TMEM242: variants seen among roughly 807,000 people sequenced by gnomAD.
The protein encoded by TMEM242 is transmembrane protein 242, also known as UPF0463 transmembrane protein C6orf35.
A neutral mutation model predicts 18.2 loss-of-function variants in TMEM242; 10 were observed. That is an observed-to-expected ratio of 0.55 (90% confidence interval 0.34 to 0.93). TMEM242 has a LOEUF of 0.93. Among genes scored for constraint, TMEM242 ranks in the 40% least tolerant of loss-of-function variants. The pLI, the probability that TMEM242 is intolerant of heterozygous loss-of-function variation, is 0.02. For missense variants in TMEM242, 186 were observed against 175.5 expected, an observed-to-expected ratio of 1.06 and a Z score of -0.34; for synonymous variants, 57 against 69.9, an observed-to-expected ratio of 0.81 and a Z score of 0.92.
chr6:157,293,540 A>G (rs889531208), intron 3 of TMEM242, among the ~76,000 whole-genome samples: 2 of 152,224 alleles, frequency 1.3e-5, no homozygotes, highest in Admixed American at 6.5e-5. Flanking sequence ...TAATTAGGTC[A>G]TTCAAAGCTA....
At chr6:157,301,788 C>T (rs587616741) in intron 3 of TMEM242, among the ~76,000 whole-genome samples, 8 of 152,020 alleles carry the variant, frequency 5.3e-5, no homozygotes, top group South Asian at 4.2e-4. Flanking sequence ...AAAAATTAGC[C>T]GGGTGTGGTG....
rs1778447802 is a variant in TMEM242, at chr6:157,318,788, A to G, written c.321T>C (p.Val107=). 5 of 1,614,066 alleles carry G rather than the reference A, an allele frequency of 3.1e-6. No individual in the cohort carries two copies. Among genetic ancestry groups the G allele is most frequent in the Non-Finnish European group, 4.2e-6 (5 of 1,180,008 alleles). The change falls in exon 3 of 4, where the codon GTT becomes GTC. Residue 107 remains valine (V), a synonymous_variant. Transcript: ENST00000400788. ...ISFAVWKALG[V]HSMNDFRSKM... is the part of the protein sequence containing the mutation. ...CAAGACAGTAGTTACTTACACTGTG[A>G]ACTCCTAAAGCTTTCCAGACTGCGA... is the stretch of plus-strand genomic sequence containing the variant.
At chr6:157,321,013 T>C (rs1239484239) in intron 2 of TMEM242, among the ~76,000 whole-genome samples, 27 of 139,724 alleles carry the variant, frequency 1.9e-4, no homozygotes, top group African/African-American at 7.2e-4. Flanking sequence ...TTTTTTTTTC[T>C]TTTTTTTTTT....
At position 157,323,512 on chromosome 6, in the gene TMEM242, T is replaced by G; in HGVS notation, c.-13A>C. 2 of 1,609,030 alleles carry G rather than the reference T, an allele frequency of 1.2e-6. No individual in the cohort carries two copies. Among genetic ancestry groups the G allele is most frequent in the South Asian group, 1.1e-5 (1 of 90,904 alleles). ...CCGCTGTCTCCATGTTTAGGTCGCCTCTAGTGCGTCCGTCCCCAACTGGGC... is the reference window on the plus strand; with the variant it reads ...CCGCTGTCTCCATGTTTAGGTCGCCGCTAGTGCGTCCGTCCCCAACTGGGC... On this transcript the variant is annotated 5_prime_UTR_variant, in exon 1 of 4. Transcript: ENST00000400788.
chr6:157,311,520 GCACTCAACCGGCCTCATCA>G (rs1778097523), intron 3 of TMEM242, among the ~76,000 whole-genome samples: 3 of 89,804 alleles, frequency 3.3e-5, no homozygotes, highest in Non-Finnish European at 4.8e-5. Context: ...GCCCCAGTGT[GCACTCAACCGGCCTCATCA>G]TAGTGTCCCA....
At position 157,292,750 on chromosome 6, in the gene TMEM242, G is replaced by T; in HGVS notation, c.*151C>A. 2 of 598,260 alleles carry T rather than the reference G, an allele frequency of 3.3e-6. No individual in the cohort carries two copies. The highest frequency in any genetic ancestry group is 5.9e-6 in the Non-Finnish European group (2 of 336,906). 37.1% of individuals were successfully genotyped at this position (598,260 alleles called of 1,614,324 possible). A position where few individuals can be genotyped will look rare whatever the true frequency, so the allele number is the denominator to read the frequency against. On this transcript the variant is annotated 3_prime_UTR_variant, in exon 4 of 4. Coordinates refer to ENST00000400788, the MANE Select transcript of TMEM242 (RefSeq NM_018452.6). ...CCAGCACGCACACACATACTCTCCT[G>T]TGATGAGGCTGAATGCTATCCAGTG...
intron 3 of TMEM242, among the ~76,000 whole-genome samples, chr6:157,313,445 C>G (rs1778275447): frequency 8.0e-5 from 12 of 150,788 alleles, no homozygotes; most frequent in Non-Finnish European, 1.3e-4. Flanking sequence ...CATAGTGCCC[C>G]AGTCTGCGCT....
chr6:157,301,611 C>T (rs1440213932), intron 3 of TMEM242, among the ~76,000 whole-genome samples: 1 of 152,178 alleles, frequency 6.6e-6, no homozygotes, highest in Non-Finnish European at 1.5e-5. Flanking sequence ...CGCGCCTGGC[C>T]GAAAAGCTAT....
At chr6:157,310,645 T>C (rs797024422) in intron 3 of TMEM242, among the ~76,000 whole-genome samples, 1 of 146,142 alleles carries the variant, frequency 6.8e-6, no homozygotes, top group Non-Finnish European at 1.5e-5. Flanking sequence ...TGTCCCAGTG[T>C]TCGCTCACCC....
chr6:157,296,978 A>C (rs1777758126), intron 3 of TMEM242, among the ~76,000 whole-genome samples: 1 of 152,234 alleles, frequency 6.6e-6, no homozygotes, highest in African/African-American at 2.4e-5. Flanking sequence ...TAGACATTAA[A>C]ACAGATTCAG....
rs1276237890 is a variant in TMEM242, at chr6:157,289,466, TACTA to T, written c.*3431_*3434del. 1 of 152,226 alleles carries T rather than the reference TACTA, an allele frequency of 6.6e-6. No individual in the cohort carries two copies. Among genetic ancestry groups the T allele is most frequent in the Non-Finnish European group, 1.5e-5 (1 of 68,040 alleles). 9.4% of individuals were successfully genotyped at this position (152,226 alleles called of 1,614,324 possible). A position where few individuals can be genotyped will look rare whatever the true frequency, so the allele number is the denominator to read the frequency against. ...CATGGTATTATAAAAATATGTATTTTACTAACTTTCATAGGAAATTTAACTATTT... is the reference window on the plus strand; with the variant it reads ...CATGGTATTATAAAAATATGTATTTTACTTTCATAGGAAATTTAACTATTT... On this transcript the variant is annotated 3_prime_UTR_variant, in exon 4 of 4. Transcript: ENST00000400788.
rs587753610 is a variant in TMEM242, at chr6:157,312,443, C to T, written c.327+6339G>A. On this transcript the variant is annotated intron_variant, in intron 3 of 3. Coordinates refer to ENST00000400788, the MANE Select transcript of TMEM242 (RefSeq NM_018452.6). Reference sequence around the variant, plus strand: ...TCATAGTGTCACAGTGTGCACTCACCGAGCCTCATAGTGCCCCAGCGTGCA... The same window carrying T: ...TCATAGTGTCACAGTGTGCACTCACTGAGCCTCATAGTGCCCCAGCGTGCA... Among the ~76,000 whole-genome samples the T allele has an allele frequency of 4.7e-3, 450 of 96,136 alleles. 86 individuals carry two copies. Among genetic ancestry groups the T allele is most frequent in the African/African-American group, 0.019 (430 of 22,054 alleles). The allele number at this position is 96,136 out of a possible 152,430, so 63.1% of individuals were successfully genotyped here. A position where few individuals can be genotyped will look rare whatever the true frequency, so the allele number is the denominator to read the frequency against.
chr6:157,309,067 TA>T (rs781840601), intron 3 of TMEM242, among the ~76,000 whole-genome samples: 3 of 152,214 alleles, frequency 2.0e-5, no homozygotes, highest in Non-Finnish European at 4.4e-5. Context: ...CTATAGTGAT[TA>T]AAAGTGATGG....
At chr6:157,302,381 A>G (rs1777842650) in intron 3 of TMEM242, among the ~76,000 whole-genome samples, 1 of 152,202 alleles carries the variant, frequency 6.6e-6, no homozygotes, top group Admixed American at 6.5e-5. Flanking sequence ...TTCCAAGATA[A>G]GTGTTGTTGA....
At chr6:157,299,589 C>T in intron 3 of TMEM242, 1 of 1,581,174 alleles carries the variant, frequency 6.3e-7, no homozygotes, top group Non-Finnish European at 8.7e-7. Flanking sequence ...GTTAAGTTAT[C>T]CACTGGATTG....
intron 3 of TMEM242, chr6:157,299,748 T>G: frequency 6.2e-7 from 1 of 1,602,460 alleles, no homozygotes; most frequent in Non-Finnish European, 8.6e-7. Context: ...AGGCTGGAGT[T>G]TGCTGTGACA....
At chr6:157,299,458 G>C in intron 3 of TMEM242, 1 of 1,376,722 alleles carries the variant, frequency 7.3e-7, no homozygotes, top group Non-Finnish European at 1.0e-6. Flanking sequence ...ATCCGTGGCA[G>C]TTTTCAGAGT....
intron 3 of TMEM242, among the ~76,000 whole-genome samples, chr6:157,314,489 AT>A (rs1408418560): frequency 1.2e-4 from 18 of 152,396 alleles, no homozygotes; most frequent in Non-Finnish European, 2.2e-4. Flanking sequence ...TAATCAAATA[AT>A]AAAATACCAT....
At chr6:157,298,300 C>G (rs908551713) in intron 3 of TMEM242, among the ~76,000 whole-genome samples, 4 of 152,192 alleles carry the variant, frequency 2.6e-5, no homozygotes, top group Non-Finnish European at 5.9e-5. Context: ...TTTTTAGTAA[C>G]TGCAAAATTT....
Sources: gnomAD v4.1 joint callset for allele counts (sites outside exome capture counted in the v4.1 genomes callset) on GRCh38, gnomAD v4.1.1 for gene constraint, MANE v1.5 for transcripts, NCBI Gene and HGNC (gene_info 2026-07-23, HGNC 2026-07-21) for gene names.